Variants in ZBBX observed in about 807,000 individuals in gnomAD.
ZBBX encodes the protein zinc finger B-box domain-containing protein 1.
Under a neutral mutation model 108.5 loss-of-function variants are expected in ZBBX, and 101 were observed. The observed-to-expected ratio is 0.93, with a 90% CI of 0.79 to 1.10. The LOEUF (loss-of-function observed/expected upper bound fraction) is 1.10, where lower values mean the gene tolerates loss of function less well. Ranked by LOEUF, ZBBX falls within the 50% of genes least tolerant of loss-of-function variation. The pLI, the probability that ZBBX is intolerant of heterozygous loss-of-function variation, is 0.00. For missense variants in ZBBX, 1,009 were observed against 941.4 expected, an observed-to-expected ratio of 1.07 and a Z score of -0.94; for synonymous variants, 356 against 323.4, an observed-to-expected ratio of 1.10 and a Z score of -1.08.
intron 1 of ZBBX, among the ~76,000 whole-genome samples, chr3:167,394,736 T>C (rs979796392): frequency 2.0e-5 from 3 of 152,054 alleles, no homozygotes; most frequent in Non-Finnish European, 4.4e-5. Context: ...AAAAGGTTTA[T>C]TCCTGCATGC....
chr3:167,375,109 C>T (rs1746746489), intron 2 of ZBBX, among the ~76,000 whole-genome samples: 1 of 152,274 alleles, frequency 6.6e-6, no homozygotes, highest in South Asian at 2.1e-4. Context: ...AGAAGCTTTG[C>T]TCTAAGACTT....
At chr3:167,365,583 A>C (rs997249702) in intron 6 of ZBBX, among the ~76,000 whole-genome samples, 2 of 151,784 alleles carry the variant, frequency 1.3e-5, no homozygotes, top group Non-Finnish European at 3.0e-5. Flanking sequence ...TTAGTTTAGA[A>C]GTATTTAGTT....
intron 8 of ZBBX, 134 bp from the exon 9 acceptor site, chr3:167,350,649 G>C (rs1742481427): frequency 9.6e-6 from 5 of 522,208 alleles, no homozygotes; most frequent in Non-Finnish European, 1.5e-5. Context: ...GAATTGAGAA[G>C]CCTGTCCCAG....
At chr3:167,332,493 T>C (rs146538855) in intron 10 of ZBBX, among the ~76,000 whole-genome samples, 12 of 152,220 alleles carry the variant, frequency 7.9e-5, no homozygotes, top group Non-Finnish European at 1.6e-4. Flanking sequence ...ACATCTAGTG[T>C]AAAGATTAAT....
At chr3:167,186,182 T>C in the ZBBX span, among the ~76,000 whole-genome samples, 11 of 151,892 alleles carry the variant, frequency 7.2e-5, no homozygotes, top group Middle Eastern at 3.4e-3. Context: ...AGTAATAGAG[T>C]ATTTTGTTTT....
At chr3:167,392,849 G>A (rs1748116155) in intron 1 of ZBBX, 1 of 151,826 alleles carries the variant, frequency 6.6e-6, no homozygotes, top group Non-Finnish European at 1.5e-5. Context: ...TGAGATGTTA[G>A]ACATCGAAGT....
intron 10 of ZBBX, among the ~76,000 whole-genome samples, chr3:167,330,265 A>T (rs1259470869): frequency 6.6e-6 from 1 of 152,348 alleles, no homozygotes; most frequent in East Asian, 1.9e-4. Context: ...TGTGTAAAAA[A>T]TACATACAAA....
In ZBBX at chr3:167,242,608, C is replaced by A; in HGVS notation, c.2290G>T (p.Glu764Ter). The A allele has an allele frequency of 6.2e-7, 1 of 1,613,554 alleles. No individual in the cohort carries two copies. The highest frequency in any genetic ancestry group is 1.1e-5 in the South Asian group (1 of 91,034). ...SEKLYSLTSE[E>*]FPDFSSQSLN... Reference sequence around the variant, plus strand: ...GATTGGCTGCTGAAATCTGGGAACTCTTCTGAGGTTAAGCTGTAAAGCTTT... The same window carrying A: ...GATTGGCTGCTGAAATCTGGGAACTATTCTGAGGTTAAGCTGTAAAGCTTT... Residue 764 changes from glutamate to a stop codon, truncating the protein, a stop_gained, in exon 21 of 22, where the codon GAG becomes TAG. Coordinates refer to ENST00000675490, the MANE Select transcript of ZBBX (RefSeq NM_001199201.2). LOFTEE classifies it high-confidence loss of function.
upstream of ZBBX, among the ~76,000 whole-genome samples, chr3:167,380,620 A>T (rs561248174): frequency 8.5e-5 from 13 of 152,254 alleles, no homozygotes; most frequent in East Asian, 2.5e-3. Flanking sequence ...AAGGCACAAA[A>T]AATTTGACTA....
upstream of ZBBX, among the ~76,000 whole-genome samples, chr3:167,380,893 C>CAG (rs1747666806): frequency 1.3e-5 from 2 of 151,674 alleles, no homozygotes; most frequent in South Asian, 2.1e-4. Flanking sequence ...CACACACACA[C>CAG]ACACACACAC....
At chr3:167,296,122 C>T (rs1252653556) in intron 18 of ZBBX, among the ~76,000 whole-genome samples, 2 of 151,836 alleles carry the variant, frequency 1.3e-5, no homozygotes, top group Admixed American at 6.6e-5. Flanking sequence ...CAGTGTAATA[C>T]ACTACATTTA....
chr3:167,309,439 A>G (rs924984982), intron 16 of ZBBX, among the ~76,000 whole-genome samples: 15 of 152,202 alleles, frequency 9.9e-5, no homozygotes, highest in Non-Finnish European at 2.1e-4. Context: ...CTGCCTCTGC[A>G]ACAGACTTCT....
the ZBBX span, among the ~76,000 whole-genome samples, chr3:167,221,445 T>C: frequency 1.3e-5 from 2 of 151,942 alleles, no homozygotes; most frequent in African/African-American, 4.8e-5. Flanking sequence ...TAAATGGTGC[T>C]GGGCAAACTG....
At chr3:167,336,198 C>A (rs1344154660) in intron 9 of ZBBX, among the ~76,000 whole-genome samples, 2 of 151,792 alleles carry the variant, frequency 1.3e-5, no homozygotes, top group African/African-American at 2.4e-5. Context: ...ATCCTGCTAT[C>A]AATGTTATAA....
At chr3:167,250,632 G>A (rs187088711) in intron 20 of ZBBX, among the ~76,000 whole-genome samples, 321 of 151,762 alleles carry the variant, frequency 2.1e-3, no homozygotes, top group Middle Eastern at 6.8e-3. Flanking sequence ...CCCTTAGACC[G>A]CTAGGAGTCT....
At chr3:167,283,927 T>TA (rs943120685) in intron 19 of ZBBX, among the ~76,000 whole-genome samples, 6 of 151,888 alleles carry the variant, frequency 4.0e-5, no homozygotes, top group Non-Finnish European at 8.8e-5. Context: ...TTTTTTAACT[T>TA]AAAAAAAATC....
chr3:167,318,458 G>T (rs187039506), intron 12 of ZBBX, among the ~76,000 whole-genome samples: 2 of 152,018 alleles, frequency 1.3e-5, no homozygotes, highest in East Asian at 3.9e-4. Context: ...GTGGTGTACC[G>T]ACTTGTTGAG....
chr3:167,220,821 T>G, the ZBBX span, among the ~76,000 whole-genome samples: 1 of 151,966 alleles, frequency 6.6e-6, no homozygotes, highest in Non-Finnish European at 1.5e-5. Context: ...ATCTTAAATT[T>G]GGAAAAGTCT....
intron 9 of ZBBX, among the ~76,000 whole-genome samples, chr3:167,342,748 T>A (rs1166122805): frequency 6.6e-6 from 1 of 151,512 alleles, no homozygotes; most frequent in East Asian, 1.9e-4. Context: ...GTAACTTACT[T>A]ATTTCAATTA....
Sources: allele counts gnomAD v4.1 joint callset (sites outside exome capture counted in the v4.1 genomes callset), GRCh38; gene constraint gnomAD v4.1.1; transcripts MANE v1.5; gene names NCBI Gene and HGNC (gene_info 2026-07-23, HGNC 2026-07-21).